The following CELF4 variants were observed in gnomAD, a reference collection of about 807,000 sequenced individuals.
CELF4 encodes CUGBP Elav-like family member 4.
CELF4 carries 18 observed loss-of-function variants against 59.9 expected under a neutral mutation model. The ratio of observed to expected loss-of-function variants is 0.30; its 90% CI spans 0.21 to 0.45. The LOEUF is 0.45. Among genes scored for constraint, CELF4 ranks in the 20% least tolerant of loss-of-function variants. The pLI, the probability that CELF4 is intolerant of heterozygous loss-of-function variation, is 1.00. For missense variants in CELF4, 456 were observed against 689.0 expected (o/e 0.66, Z 3.79); for synonymous variants, 261 against 267.1 (o/e 0.98, Z 0.22).
rs1317865043 is a variant in CELF4, at chr18:37,245,277, CAG to C, written c.*45-82_*45-81del. The stretch of plus-strand genomic sequence containing the variant: ...TCCAAACACCAATAGGAACCTGCCT[CAG>C]GGGCTAGGATGGGAGCTCTAGGGGA... On this transcript the variant is annotated intron_variant, in intron 12 of 12. Transcript: ENST00000420428. The surrounding 1 kb of genome is among the most constrained non-coding windows in gnomAD (Gnocchi z 4.1). The C allele has an allele frequency of 3.9e-5, 6 of 152,056 alleles. No homozygotes were observed. Among genetic ancestry groups the C allele is most frequent in the Non-Finnish European group, 2.9e-5 (2 of 68,026 alleles). The allele number at this position is 152,056 out of a possible 1,614,324, so 9.4% of individuals were successfully genotyped here. A position where few individuals can be genotyped will look rare whatever the true frequency, so the allele number is the denominator to read the frequency against.
chr18:37,299,785 C>T (rs567334762), intron 3 of CELF4, among the ~76,000 whole-genome samples: 110 of 152,328 alleles, frequency 7.2e-4, no homozygotes, highest in African/African-American at 2.5e-3. Flanking sequence ...CTGAGTGAGT[C>T]ACATTCCCTG....
chr18:37,480,863 AAAAG>A (rs1042113501), intron 2 of CELF4, among the ~76,000 whole-genome samples: 80 of 152,354 alleles, frequency 5.3e-4, no homozygotes, highest in African/African-American at 1.9e-3. Context: ...AAGAAAAAGA[AAAAG>A]AAAGAAAGGA....
chr18:37,256,831 C>T (rs1315596294), intron 11 of CELF4, among the ~76,000 whole-genome samples: 5 of 152,242 alleles, frequency 3.3e-5, no homozygotes, highest in Middle Eastern at 3.4e-3. Context: ...GTGATCTGCC[C>T]GCCTCAGCCT....
Position 37,266,541 on chromosome 18 carries a change from T to C in CELF4, c.1157A>G (p.Tyr386Cys), listed in dbSNP as rs1433401422. 1 of 1,594,662 alleles carries C rather than the reference T, an allele frequency of 6.3e-7. No homozygotes were observed. The highest frequency in any genetic ancestry group is 1.8e-5 in the Admixed American group (1 of 56,246). Residue 386 changes from tyrosine to cysteine, a missense_variant, in exon 9 of 13, where the codon TAT becomes TGT. By Grantham distance (194) the Tyr-to-Cys change is radical. Around this residue, in one of 7 missense-constraint regions of CELF4, gnomAD observed 256 missense variants for 340.8 expected, o/e 0.75. Transcript: ENST00000420428. ...LQQAYAGVQQ[Y>C]AGPAAYPAAY... Reference sequence around the variant, plus strand: ...GACGCGTGGATACTAACGACCTGCATACTGCTGCACTCCGGCGTAGGCCTG... The same window carrying C: ...GACGCGTGGATACTAACGACCTGCACACTGCTGCACTCCGGCGTAGGCCTG...
chr18:37,266,355 G>A (rs2077525617), intron 9 of CELF4, 178 bp downstream of exon 9: 1 of 681,528 alleles, frequency 1.5e-6, no homozygotes, highest in Non-Finnish European at 2.5e-6. Flanking sequence ...GGCACTCTCG[G>A]TGGCCCGCTG....
chr18:37,517,989 T>A (rs1046111447), intron 1 of CELF4, among the ~76,000 whole-genome samples: 3 of 152,112 alleles, frequency 2.0e-5, no homozygotes, highest in Admixed American at 6.5e-5. Context: ...ATAGATGATG[T>A]TAGAACAGTG....
intron 2 of CELF4, among the ~76,000 whole-genome samples, chr18:37,403,939 A>C (rs998633941): frequency 1.3e-5 from 2 of 152,176 alleles, no homozygotes; most frequent in South Asian, 4.1e-4. Context: ...CAGGGCTCTC[A>C]GTGCCCATGG....
intron 3 of CELF4, among the ~76,000 whole-genome samples, chr18:37,276,768 G>A (rs1292596107): frequency 6.6e-6 from 1 of 152,192 alleles, no homozygotes; most frequent in Non-Finnish European, 1.5e-5. Context: ...GGGCTAAATT[G>A]GTATGCAGCC....
chr18:37,389,095 C>T (rs554444036), intron 2 of CELF4, among the ~76,000 whole-genome samples: 7 of 152,266 alleles, frequency 4.6e-5, no homozygotes, highest in Admixed American at 2.6e-4. Context: ...TGAGAAGAAA[C>T]ACAGAGGAAA....
chr18:37,381,354 G>A (rs1009349099), intron 2 of CELF4, among the ~76,000 whole-genome samples: 4 of 152,148 alleles, frequency 2.6e-5, no homozygotes, highest in African/African-American at 7.2e-5. Context: ...GGGCTCTAAA[G>A]GGCAATGGAG....
At chr18:37,382,969 A>G (rs2099057598) in intron 2 of CELF4, among the ~76,000 whole-genome samples, 1 of 152,064 alleles carries the variant, frequency 6.6e-6, no homozygotes, top group African/African-American at 2.4e-5. Flanking sequence ...CTGATTTGCC[A>G]GCTCTAACAA....
chr18:37,401,830 G>A (rs1022625103), intron 2 of CELF4, among the ~76,000 whole-genome samples: 1 of 152,194 alleles, frequency 6.6e-6, no homozygotes, highest in Non-Finnish European at 1.5e-5. Context: ...GGGCTGCAAG[G>A]TTACTCGGCT....
At chr18:37,426,339 G>A (rs2099612390) in intron 2 of CELF4, among the ~76,000 whole-genome samples, 1 of 152,162 alleles carries the variant, frequency 6.6e-6, no homozygotes, top group Non-Finnish European at 1.5e-5. Context: ...CATTGACCTG[G>A]GTGCCTGCCT....
intron 3 of CELF4, among the ~76,000 whole-genome samples, chr18:37,301,825 T>C (rs1194777212): frequency 6.6e-6 from 1 of 152,188 alleles, no homozygotes; most frequent in African/African-American, 2.4e-5. Context: ...CCTTAATTGA[T>C]CTTATCCACA....
chr18:37,261,058 C>A (rs1384790310), intron 10 of CELF4, among the ~76,000 whole-genome samples: 1 of 152,160 alleles, frequency 6.6e-6, no homozygotes, highest in Non-Finnish European at 1.5e-5. Flanking sequence ...TGGCCCCCAG[C>A]TCCCCATACC....
At chr18:37,535,931 T>C (rs1185907387) in intron 1 of CELF4, among the ~76,000 whole-genome samples, 2 of 152,204 alleles carry the variant, frequency 1.3e-5, no homozygotes, top group African/African-American at 4.8e-5. Flanking sequence ...ACAAATGTTA[T>C]TGAAAACTTT....
rs1362656276 is a variant in CELF4, at chr18:37,540,748, A to G, written c.286+24608T>C. On this transcript the variant is annotated intron_variant, in intron 1 of 12. Transcript: ENST00000420428. ...AAAGGGCAGCAGCAGTGGCCCTGGC[A>G]AGGGCTGGAGGGAATGAAGCTACAG... Among the ~76,000 whole-genome samples, 9 of 152,232 alleles carry G rather than the reference A, an allele frequency of 5.9e-5. No individual in the cohort carries two copies. In the East Asian group the frequency reaches 1.7e-3, roughly 29 times the overall value.
chr18:37,418,893 G>T (rs1195516592), intron 2 of CELF4, among the ~76,000 whole-genome samples: 4 of 152,198 alleles, frequency 2.6e-5, no homozygotes. Context: ...TTCTGTCTGA[G>T]CAAAGGTTAG....
At chr18:37,282,703 GCAGA>G (rs2094299393) in intron 3 of CELF4, among the ~76,000 whole-genome samples, 1 of 152,132 alleles carries the variant, frequency 6.6e-6, no homozygotes. Context: ...TCAGGTCGGC[GCAGA>G]CAGTTTCCAG....
Sources: gnomAD v4.1 joint callset for allele counts (sites outside exome capture counted in the v4.1 genomes callset) on GRCh38, gnomAD v4.1.1 for gene constraint, gnomAD v4.1.1 regional missense constraint, Gnocchi (gnomAD v3.1) non-coding constraint, MANE v1.5 for transcripts, NCBI Gene and HGNC (gene_info 2026-07-23, HGNC 2026-07-21) for gene names.